PPP1R14C: variants seen among roughly 807,000 people sequenced by gnomAD.
PPP1R14C encodes protein phosphatase 1 regulatory inhibitor subunit 14C.
PPP1R14C carries 16 observed loss-of-function variants against 20.4 expected under a neutral mutation model. The ratio of observed to expected loss-of-function variants is 0.78; its 90% confidence interval spans 0.53 to 1.19. The LOEUF (loss-of-function observed/expected upper bound fraction) is 1.19, where lower values mean the gene tolerates loss of function less well. Among genes scored for constraint, PPP1R14C ranks in the 50% most tolerant of loss-of-function variants. The pLI is 0.00. For synonymous variants in PPP1R14C, 91 were observed against 91.0 expected, an observed-to-expected ratio of 1.00 and a Z score of 0.00; for missense variants, 211 against 220.1, an observed-to-expected ratio of 0.96 and a Z score of 0.26.
chr6:150,146,298 G>A (rs1408581048), intron 1 of PPP1R14C, among the ~76,000 whole-genome samples: 3 of 152,214 alleles, frequency 2.0e-5, no homozygotes, highest in African/African-American at 7.2e-5. Context: ...TCTGGAATCT[G>A]AGTCCACTGT....
chr6:150,217,807 A>G (rs2114913137), intron 3 of PPP1R14C, among the ~76,000 whole-genome samples: 1 of 152,322 alleles, frequency 6.6e-6, no homozygotes, highest in Non-Finnish European at 1.5e-5. Context: ...ACATCAAAGC[A>G]ATGGTGATAA....
At chr6:150,240,460 A>C (rs1286055897) in intron 3 of PPP1R14C, among the ~76,000 whole-genome samples, 1 of 152,266 alleles carries the variant, frequency 6.6e-6, no homozygotes, top group African/African-American at 2.4e-5. Flanking sequence ...TGCTGGTTAC[A>C]GAAACCTCTA....
chr6:150,221,033 T>A (rs1366048959), intron 3 of PPP1R14C, among the ~76,000 whole-genome samples: 1 of 152,228 alleles, frequency 6.6e-6, no homozygotes, highest in Non-Finnish European at 1.5e-5. Flanking sequence ...GGAGAAATGA[T>A]GTAAAATGCT....
chr6:150,143,573 T>A lies in PPP1R14C; in HGVS notation c.306+75T>A. Reference sequence around the variant, plus strand: ...TGCCCGCGCAGTAATTTTCCCGGGCTCCAGCTCCGGGGCGCGCATGTCCCT... The same window carrying A: ...TGCCCGCGCAGTAATTTTCCCGGGCACCAGCTCCGGGGCGCGCATGTCCCT... On this transcript the variant is annotated intron_variant, in intron 1 of 3. Transcript: ENST00000361131. This position sits in a 1 kb window ranked among gnomAD's most constrained non-coding sequence, Gnocchi z 5.6. The A allele has an allele frequency of 9.0e-7, 1 of 1,109,622 alleles. No individual in the cohort carries two copies. The highest frequency in any genetic ancestry group is 1.3e-6 in the Non-Finnish European group (1 of 783,340). 68.7% of individuals were successfully genotyped at this position (1,109,622 alleles called of 1,614,324 possible). A position where few individuals can be genotyped will look rare whatever the true frequency, so the allele number is the denominator to read the frequency against.
At chr6:150,218,165 G>A (rs1778118440) in intron 3 of PPP1R14C, among the ~76,000 whole-genome samples, 1 of 151,908 alleles carries the variant, frequency 6.6e-6, no homozygotes, top group Admixed American at 6.6e-5. Flanking sequence ...GCACTTTGGG[G>A]GGCCGAGACG....
rs964535789 is a variant in PPP1R14C at position 150,171,062 on chromosome 6, G to A, written c.306+27564G>A. Among the ~76,000 whole-genome samples the A allele has an allele frequency of 4.6e-5, 7 of 151,940 alleles. 1 individual carries two copies. The highest frequency in any genetic ancestry group is 2.6e-4 in the Admixed American group (4 of 15,256). ...CCCCGGCGTGACCCTCCATTGGAGC[G>A]GTACATTGGTCACAATCGATGAACC... On this transcript the variant is annotated intron_variant, in intron 1 of 3. Coordinates refer to ENST00000361131, the MANE Select transcript of PPP1R14C (RefSeq NM_030949.3).
At chr6:150,154,142 G>A (rs1429500207) in intron 1 of PPP1R14C, among the ~76,000 whole-genome samples, 1 of 152,190 alleles carries the variant, frequency 6.6e-6, no homozygotes, top group Non-Finnish European at 1.5e-5. Flanking sequence ...GTTCAGGAAA[G>A]GATATGATAA....
intron 1 of PPP1R14C, among the ~76,000 whole-genome samples, chr6:150,144,049 C>T (rs1777154903): frequency 6.6e-6 from 1 of 152,222 alleles, no homozygotes; most frequent in Non-Finnish European, 1.5e-5. Flanking sequence ...GAACGCTTTC[C>T]GCTTTCCAGC....
chr6:150,154,517 A>G lies in PPP1R14C; in HGVS notation c.306+11019A>G, dbSNP rs138757649. Among the ~76,000 whole-genome samples the G allele has an allele frequency of 8.5e-3, 1,296 of 152,368 alleles. 11 individuals carry two copies. The highest frequency in any genetic ancestry group is 0.02 in the Middle Eastern group (6 of 294). On this transcript the variant is annotated intron_variant, in intron 1 of 3. Transcript: ENST00000361131. ...GGGAGATCTGGGACTTTCTAGCTCT[A>G]ACCTTTAGATGTTCTATGCTAAAGC... is the stretch of plus-strand genomic sequence containing the variant.
intron 1 of PPP1R14C, among the ~76,000 whole-genome samples, chr6:150,198,547 T>A (rs1777838077): frequency 6.6e-6 from 1 of 152,246 alleles, no homozygotes; most frequent in Non-Finnish European, 1.5e-5. Flanking sequence ...AAGACCTGGA[T>A]GATTACAAAA....
At chr6:150,187,452 C>T (rs1777691106) in intron 1 of PPP1R14C, among the ~76,000 whole-genome samples, 1 of 152,074 alleles carries the variant, frequency 6.6e-6, no homozygotes. Flanking sequence ...CTCCCTCCTC[C>T]CACCCTCTAC....
At chr6:150,150,096 T>C (rs547206856) in intron 1 of PPP1R14C, among the ~76,000 whole-genome samples, 5 of 152,358 alleles carry the variant, frequency 3.3e-5, no homozygotes, top group African/African-American at 1.2e-4. Context: ...TCAGCAAATG[T>C]TTAAAAGTCA....
In PPP1R14C at chr6:150,185,318, G is replaced by A. The variant is rs544201701; in HGVS notation, c.307-29426G>A. Among the ~76,000 whole-genome samples, 14 of 152,254 alleles carry A rather than the reference G, an allele frequency of 9.2e-5. No individual in the cohort carries two copies. The highest frequency in any genetic ancestry group is 6.5e-4 in the Admixed American group (10 of 15,294). On this transcript the variant is annotated intron_variant, in intron 1 of 3. Transcript: ENST00000361131. The surrounding 1 kb of genome is among the most constrained non-coding windows in gnomAD (Gnocchi z 4.1). ...GCCTAGCAGTAGTCAGCCTGACACC[G>A]ACCATGTCTCATGAAAGTCACACAG...
At chr6:150,184,356 A>G (rs1777653894) in intron 1 of PPP1R14C, among the ~76,000 whole-genome samples, 2 of 152,180 alleles carry the variant, frequency 1.3e-5, no homozygotes, top group Admixed American at 1.3e-4. Context: ...CCTGGTAGAT[A>G]GTATCTGGCA....
intron 1 of PPP1R14C, among the ~76,000 whole-genome samples, chr6:150,179,425 A>AGGAGGGAGGGAGGGAGGGAGGGAGGGAG (rs549534470): frequency 9.8e-6 from 1 of 102,046 alleles, no homozygotes; most frequent in African/African-American, 3.8e-5. Context: ...AGAGAAAGAA[A>AGGAGGGAGGGAGGGAGGGAGGGAGGGAG]GGAGGGAGGG....
In PPP1R14C at chr6:150,152,107, G is replaced by A. The variant is rs373534624; in HGVS notation, c.306+8609G>A. On this transcript the variant is annotated intron_variant, in intron 1 of 3. Coordinates refer to ENST00000361131, the MANE Select transcript of PPP1R14C (RefSeq NM_030949.3). ...TGCACTCCAGCCTGGGCGACAGAGC[G>A]AGACTCCGTCTCAAAAAAAAAAAAA... 4.5e-4 allele frequency among the ~76,000 whole-genome samples: 60 copies of A among 134,016 alleles called. 2 individuals carry two copies. The South Asian group carries it at 0.011, about 25-fold the overall frequency. 87.9% of individuals were successfully genotyped at this position (134,016 alleles called of 152,430 possible).
At chr6:150,241,740 A>T (rs1195392127) in intron 3 of PPP1R14C, among the ~76,000 whole-genome samples, 1 of 152,182 alleles carries the variant, frequency 6.6e-6, no homozygotes, top group Non-Finnish European at 1.5e-5. Flanking sequence ...TACAAAAATT[A>T]GCTGGGCATG....
intron 1 of PPP1R14C, among the ~76,000 whole-genome samples, chr6:150,192,418 CGTGGTTCACAA>C (rs1270418311): frequency 1.3e-5 from 2 of 152,094 alleles, no homozygotes; most frequent in African/African-American, 4.8e-5. Flanking sequence ...CCCTTTCGTG[CGTGGTTCACAA>C]TAGGGTTTGC....
intron 1 of PPP1R14C, among the ~76,000 whole-genome samples, chr6:150,171,041 G>C: frequency 6.6e-6 from 1 of 151,786 alleles, no homozygotes; most frequent in East Asian, 1.9e-4. Flanking sequence ...CAACTCCCCC[G>C]GCGTGACCCT....
Sources: gnomAD v4.1 joint callset for allele counts (sites outside exome capture counted in the v4.1 genomes callset) on GRCh38, gnomAD v4.1.1 for gene constraint, Gnocchi (gnomAD v3.1) non-coding constraint, MANE v1.5 for transcripts, NCBI Gene and HGNC (gene_info 2026-07-23, HGNC 2026-07-21) for gene names.